The following CACNB4 variants were observed in gnomAD, a reference collection of about 807,000 sequenced individuals.
CACNB4 encodes voltage-dependent L-type calcium channel subunit beta-4.
A neutral mutation model predicts 71.2 loss-of-function variants in CACNB4; 32 were observed. That is an observed-to-expected ratio of 0.45 (90% CI 0.34 to 0.60). The LOEUF is 0.60. Among genes scored for constraint, CACNB4 ranks in the 20% least tolerant of loss-of-function variants. The probability of loss-of-function intolerance (pLI) is 0.01; values close to 1 mark genes in which losing one functional copy is unlikely to be tolerated. For missense variants in CACNB4, 464 were observed against 647.9 expected (o/e 0.72, Z 3.08); for synonymous variants, 231 against 236.9 (o/e 0.97, Z 0.23).
chr2:151,863,217 C>A (rs930872521), intron 9 of CACNB4, among the ~76,000 whole-genome samples: 1 of 152,142 alleles, frequency 6.6e-6, no homozygotes, highest in African/African-American at 2.4e-5. Context: ...AAGCATGTGC[C>A]ACCACACATG....
intron 4 of CACNB4, chr2:151,880,343 T>C (rs2151441616): frequency 6.4e-6 from 1 of 155,560 alleles, no homozygotes; most frequent in Non-Finnish European, 1.4e-5. Context: ...AAATCTTTCT[T>C]TGAATGATTA....
intron 2 of CACNB4, among the ~76,000 whole-genome samples, chr2:152,035,651 C>CTCTCTCTCTCTCTATA (rs796161186): frequency 5.1e-5 from 6 of 118,072 alleles, no homozygotes; most frequent in African/African-American, 2.2e-4. Context: ...CTCTCTCTCT[C>CTCTCTCTCTCTCTATA]TATATATATA....
intron 2 of CACNB4, among the ~76,000 whole-genome samples, chr2:152,017,438 T>G (rs1241460892): frequency 6.6e-6 from 1 of 151,220 alleles, no homozygotes; most frequent in African/African-American, 2.5e-5. Context: ...CCGGGCGCGG[T>G]GGCTCACGCC....
At chr2:152,047,489 A>G (rs1216219245) in intron 2 of CACNB4, among the ~76,000 whole-genome samples, 1 of 152,238 alleles carries the variant, frequency 6.6e-6, no homozygotes, top group Non-Finnish European at 1.5e-5. Flanking sequence ...CTTCACTTCA[A>G]GATATCCCAT....
At chr2:152,037,276 T>C (rs939141864) in intron 2 of CACNB4, among the ~76,000 whole-genome samples, 2 of 152,226 alleles carry the variant, frequency 1.3e-5, no homozygotes, top group African/African-American at 4.8e-5. Context: ...ACACTTGCTA[T>C]ACCTAATAAT....
chr2:152,067,372 T>C (rs1308079211), intron 2 of CACNB4, among the ~76,000 whole-genome samples: 1 of 146,804 alleles, frequency 6.8e-6, no homozygotes, highest in African/African-American at 2.6e-5. Flanking sequence ...TTGTTTTTTA[T>C]AGAGATGTGT....
At chr2:151,875,605 G>A (rs369492171) in intron 5 of CACNB4, among the ~76,000 whole-genome samples, 1 of 145,954 alleles carries the variant, frequency 6.9e-6, no homozygotes, top group Non-Finnish European at 1.5e-5. Context: ...CGGACGGGGC[G>A]GCTCGCCAGG....
intron 2 of CACNB4, among the ~76,000 whole-genome samples, chr2:151,890,701 C>T (rs780083912): frequency 2.6e-5 from 4 of 152,196 alleles, no homozygotes; most frequent in Non-Finnish European, 4.4e-5. Context: ...CAGAATCTCA[C>T]TAATTTACAA....
chr2:152,017,436 G>A (rs553830086), intron 2 of CACNB4, among the ~76,000 whole-genome samples: 5 of 151,160 alleles, frequency 3.3e-5, no homozygotes, highest in Non-Finnish European at 5.9e-5. Flanking sequence ...GGCCGGGCGC[G>A]GTGGCTCACG....
intron 2 of CACNB4, among the ~76,000 whole-genome samples, chr2:151,977,990 G>C (rs1019748180): frequency 1.3e-5 from 2 of 152,188 alleles, no homozygotes; most frequent in African/African-American, 2.4e-5. Flanking sequence ...GCAAGTAATA[G>C]TACTCCACTC....
chr2:151,839,775 TGATATA>T (rs2099835695), intron 13 of CACNB4, among the ~76,000 whole-genome samples: 1 of 152,346 alleles, frequency 6.6e-6, no homozygotes, highest in African/African-American at 2.4e-5. Context: ...TCTCTTGAAT[TGATATA>T]ATCTTTCTCC....
At chr2:151,839,465 T>C in intron 13 of CACNB4, 86 bp from the exon 14 acceptor site, 1 of 1,029,480 alleles carries the variant, frequency 9.7e-7, no homozygotes, top group Non-Finnish European at 1.4e-6. Flanking sequence ...ATAGGATCTG[T>C]ACAATAAGAT....
chr2:151,962,925 T>C (rs1299667149), intron 2 of CACNB4: 1 of 152,186 alleles, frequency 6.6e-6, no homozygotes, highest in African/African-American at 2.4e-5. Flanking sequence ...TCAAAAACCA[T>C]ACAAATTATA....
intron 2 of CACNB4, chr2:151,973,791 GA>G: frequency 2.6e-6 from 4 of 1,562,214 alleles, no homozygotes; most frequent in Non-Finnish European, 3.5e-6. Context: ...AGCTTAAAGA[GA>G]AAAGGCCTGT....
intron 2 of CACNB4, among the ~76,000 whole-genome samples, chr2:152,084,472 T>C (rs916171342): frequency 1.3e-5 from 2 of 152,200 alleles, no homozygotes; most frequent in Non-Finnish European, 2.9e-5. Flanking sequence ...GTTAAGACAC[T>C]TACTGGACTC....
In CACNB4 at chr2:151,838,491, G is replaced by C. The variant is rs1388515946; in HGVS notation, c.*628C>G. ...ATATAATTTCTGCATTAAGATTTCTGAGATTTTTTTTTTGGCACTATCAAT... is the reference window on the plus strand; with the variant it reads ...ATATAATTTCTGCATTAAGATTTCTCAGATTTTTTTTTTGGCACTATCAAT... On this transcript the variant is annotated 3_prime_UTR_variant, in exon 14 of 14. Transcript: ENST00000539935. 2.7e-5 allele frequency: 4 copies of C among 149,848 alleles called. No individual in the cohort carries two copies. The highest frequency in any genetic ancestry group is 5.9e-5 in the Non-Finnish European group (4 of 67,318). The allele number at this position is 149,848 out of a possible 1,614,324, so 9.3% of individuals were successfully genotyped here.
intron 2 of CACNB4, chr2:151,971,413 G>A (rs2099872516): frequency 1.5e-6 from 1 of 669,970 alleles, no homozygotes; most frequent in East Asian, 2.7e-5. Context: ...CCCAACCGAA[G>A]TGCCGTACTC....
At chr2:151,874,601 TCTC>T (rs1211032349) in intron 5 of CACNB4, among the ~76,000 whole-genome samples, 2 of 152,146 alleles carry the variant, frequency 1.3e-5, no homozygotes, top group Non-Finnish European at 2.9e-5. Flanking sequence ...ACTTTTGTGA[TCTC>T]CTATTACAGT....
intron 12 of CACNB4, among the ~76,000 whole-genome samples, chr2:151,847,766 G>T (rs1578442057): frequency 6.6e-6 from 1 of 152,108 alleles, no homozygotes; most frequent in African/African-American, 2.4e-5. Context: ...CATGCCTGTA[G>T]TCCCAGCTAC....
Sources: gnomAD v4.1 joint callset for allele counts (sites outside exome capture counted in the v4.1 genomes callset) on GRCh38, gnomAD v4.1.1 for gene constraint, MANE v1.5 for transcripts, NCBI Gene and HGNC (gene_info 2026-07-23, HGNC 2026-07-21) for gene names.